Variants in GCGR observed in about 807,000 individuals in gnomAD.
The protein encoded by GCGR is glucagon receptor.
In GCGR, 41 loss-of-function variants were observed where a neutral mutation model predicts 56.1. That is an observed-to-expected ratio of 0.73 (90% CI 0.57 to 0.95). GCGR has a LOEUF of 0.95. Among genes scored for constraint, GCGR ranks in the 40% least tolerant of loss-of-function variants. GCGR has a pLI of 0.00. For synonymous variants in GCGR, 278 were observed against 271.1 expected (o/e 1.03, Z -0.25); for missense variants, 595 against 638.2 (o/e 0.93, Z 0.73).
chr17:81,809,558 CCTGTCCGTCTGCCTGT>C (rs1166410047), intron 2 of GCGR, among the ~76,000 whole-genome samples: 1 of 141,496 alleles, frequency 7.1e-6, no homozygotes, highest in Non-Finnish European at 1.5e-5. Context: ...TGTCTGTCTG[CCTGTCCGTCTGCCTGT>C]CTGTCCGTCT....
Position 81,812,532 on chromosome 17 carries a change from T to TC in GCGR, c.949-42dup. 1 of 1,506,502 alleles carries TC rather than the reference T, an allele frequency of 6.6e-7. No homozygotes were observed. The highest frequency in any genetic ancestry group is 1.2e-5 in the South Asian group (1 of 82,904). The allele number at this position is 1,506,502 out of a possible 1,614,324, so 93.3% of individuals were successfully genotyped here. Reference sequence around the variant, plus strand: ...GGGCCTTCCAAGGGCACAGAGCTGTTCCCTGGGGCTCGGGATGCCCCTGAC... The same window carrying TC: ...GGGCCTTCCAAGGGCACAGAGCTGTTCCCCTGGGGCTCGGGATGCCCCTGAC... On this transcript the variant is annotated intron_variant, in intron 10 of 13. Coordinates refer to ENST00000400723, the MANE Select transcript of GCGR (RefSeq NM_000160.5). The surrounding 1 kb of genome is among the most constrained non-coding windows in gnomAD (Gnocchi z 8.5).
Position 81,812,149 on chromosome 17 carries a change from T to C in GCGR, c.879-34T>C, listed in dbSNP as rs1377326637. On this transcript the variant is annotated intron_variant, in intron 9 of 13. Coordinates refer to ENST00000400723, the MANE Select transcript of GCGR (RefSeq NM_000160.5). The surrounding 1 kb of genome is among the most constrained non-coding windows in gnomAD (Gnocchi z 8.5). ...GCTGAGGGGCGGAGGGGCTGGGGGCTGTGCCCCAGTATGTGAGTGGCCTGG... is the reference window on the plus strand; with the variant it reads ...GCTGAGGGGCGGAGGGGCTGGGGGCCGTGCCCCAGTATGTGAGTGGCCTGG... 2 of 1,533,186 alleles carry C rather than the reference T, an allele frequency of 1.3e-6. No homozygotes were observed. 95.0% of individuals were successfully genotyped at this position (1,533,186 alleles called of 1,614,324 possible). A position where few individuals can be genotyped will look rare whatever the true frequency, so the allele number is the denominator to read the frequency against.
Position 81,806,507 on chromosome 17 carries a change from G to T in GCGR, c.-178+2258G>T, listed in dbSNP as rs2143099332. Among the ~76,000 whole-genome samples, 1 of 152,300 alleles carries T rather than the reference G, an allele frequency of 6.6e-6. No homozygotes were observed. Among genetic ancestry groups the T allele is most frequent in the Admixed American group, 6.5e-5 (1 of 15,306 alleles). On this transcript the variant is annotated intron_variant, in intron 1 of 13. Coordinates refer to ENST00000400723, the MANE Select transcript of GCGR (RefSeq NM_000160.5). This position sits in a 1 kb window ranked among gnomAD's most constrained non-coding sequence, Gnocchi z 6.5. ...GACTGTTTCAAAGAAAGGCCTGGGGGACTGGGCAGCCAACCCCTCCCTCGG... is the reference window on the plus strand; with the variant it reads ...GACTGTTTCAAAGAAAGGCCTGGGGTACTGGGCAGCCAACCCCTCCCTCGG...
At chr17:81,809,125 A>G in intron 2 of GCGR, 47 bp downstream of exon 2, 2 of 1,522,572 alleles carry the variant, frequency 1.3e-6, no homozygotes, top group Non-Finnish European at 1.8e-6. Flanking sequence ...TCCTGTGAGG[A>G]CTGCACACTG....
intron 1 of GCGR, among the ~76,000 whole-genome samples, chr17:81,807,693 G>GC (rs2037991585): frequency 6.6e-6 from 1 of 152,244 alleles, no homozygotes; most frequent in African/African-American, 2.4e-5. Context: ...GCCCGTAACA[G>GC]CCCGGGGGCT....
At chr17:81,807,620 C>CCCT (rs2037989672) in intron 1 of GCGR, among the ~76,000 whole-genome samples, 1 of 152,254 alleles carries the variant, frequency 6.6e-6, no homozygotes, top group Non-Finnish European at 1.5e-5. Context: ...AGCTGGCTGG[C>CCCT]CCTCCATCTG....
rs2143147122 is a variant in GCGR, at chr17:81,813,270, G to A, written c.1219-204G>A. On this transcript the variant is annotated intron_variant, in intron 13 of 13. Coordinates refer to ENST00000400723, the MANE Select transcript of GCGR (RefSeq NM_000160.5). The surrounding 1 kb of genome is among the most constrained non-coding windows in gnomAD (Gnocchi z 5.3). ...TTGGCCTCAGCCCCATCGCTACGGT[G>A]TCCACCGTGGGGGTCCCCAGGTGTC... is the stretch of plus-strand genomic sequence containing the variant. Among the ~76,000 whole-genome samples, 1 of 152,302 alleles carries A rather than the reference G, an allele frequency of 6.6e-6. No individual in the cohort carries two copies. The highest frequency in any genetic ancestry group is 1.9e-4 in the East Asian group (1 of 5,178).
intron 1 of GCGR, among the ~76,000 whole-genome samples, chr17:81,807,060 G>A (rs1301662192): frequency 1.3e-5 from 2 of 152,152 alleles, no homozygotes; most frequent in African/African-American, 4.8e-5. Context: ...CTCAGTGGCC[G>A]GAGCCGCCCA....
At position 81,812,361 on chromosome 17, in the gene GCGR, G is replaced by A. The variant is rs1246470459; in HGVS notation, c.948+109G>A. 1.8e-5 allele frequency: 23 copies of A among 1,305,292 alleles called. No homozygotes were observed. Among genetic ancestry groups the A allele is most frequent in the South Asian group, 3.9e-5 (3 of 77,804 alleles). 80.9% of individuals were successfully genotyped at this position (1,305,292 alleles called of 1,614,324 possible). ...TGTCTGAGAGCGCTGGGAGGGAGCC[G>A]GCACCCAGACAGGACACCAGGACAC... On this transcript the variant is annotated intron_variant, in intron 10 of 13. Coordinates refer to ENST00000400723, the MANE Select transcript of GCGR (RefSeq NM_000160.5). This position sits in a 1 kb window ranked among gnomAD's most constrained non-coding sequence, Gnocchi z 8.5.
In GCGR at chr17:81,806,490, C is replaced by T. The variant is rs2037967987; in HGVS notation, c.-178+2241C>T. On this transcript the variant is annotated intron_variant, in intron 1 of 13. Coordinates refer to ENST00000400723, the MANE Select transcript of GCGR (RefSeq NM_000160.5). This position sits in a 1 kb window ranked among gnomAD's most constrained non-coding sequence, Gnocchi z 6.5. ...CCCCACTCCTGGGTCCTGACTGTTT[C>T]AAAGAAAGGCCTGGGGGACTGGGCA... Among the ~76,000 whole-genome samples the T allele has an allele frequency of 6.6e-6, 1 of 152,142 alleles. No homozygotes were observed. Among genetic ancestry groups the T allele is most frequent in the African/African-American group, 2.4e-5 (1 of 41,426 alleles).
Position 81,810,315 on chromosome 17 carries a change from C to T in GCGR, c.163+431C>T, listed in dbSNP as rs994724096. 9.1e-5 allele frequency: 30 copies of T among 328,252 alleles called. No homozygotes were observed. Among genetic ancestry groups the T allele is most frequent in the South Asian group, 4.5e-4 (16 of 35,418 alleles). 20.3% of individuals were successfully genotyped at this position (328,252 alleles called of 1,614,324 possible). A position where few individuals can be genotyped will look rare whatever the true frequency, so the allele number is the denominator to read the frequency against. On this transcript the variant is annotated intron_variant, in intron 3 of 13. Coordinates refer to ENST00000400723, the MANE Select transcript of GCGR (RefSeq NM_000160.5). This position sits in a 1 kb window ranked among gnomAD's most constrained non-coding sequence, Gnocchi z 4.6. Reference sequence around the variant, plus strand: ...AGAGGATAGGGCTGGAGGACTCACCCGGGAGGCAGTGCCTGGGTTCGGATG... The same window carrying T: ...AGAGGATAGGGCTGGAGGACTCACCTGGGAGGCAGTGCCTGGGTTCGGATG...
At position 81,810,690 on chromosome 17, in the gene GCGR, G is replaced by A; in HGVS notation, c.164-135G>A. ...GGAGGTGGAGGTCAAGTGGGGGAGG[G>A]AGCAGCCCAGGCCATGTCCTGGGCG... On this transcript the variant is annotated intron_variant, in intron 3 of 13. Coordinates refer to ENST00000400723, the MANE Select transcript of GCGR (RefSeq NM_000160.5). This position sits in a 1 kb window ranked among gnomAD's most constrained non-coding sequence, Gnocchi z 4.6. 3 of 787,262 alleles carry A rather than the reference G, an allele frequency of 3.8e-6. No individual in the cohort carries two copies. The highest frequency in any genetic ancestry group is 2.7e-5 in the East Asian group (1 of 37,368). 48.8% of individuals were successfully genotyped at this position (787,262 alleles called of 1,614,324 possible).
intron 3 of GCGR, 67 bp downstream of exon 3, chr17:81,809,951 G>A: frequency 1.6e-6 from 2 of 1,255,136 alleles, no homozygotes; most frequent in Non-Finnish European, 2.2e-6. Context: ...TCTCTTCATG[G>A]GAAGGTTCCT....
At chr17:81,809,304 C>CTGCCTGTCTGTT (rs2038030660) in intron 2 of GCGR, among the ~76,000 whole-genome samples, 1 of 150,954 alleles carries the variant, frequency 6.6e-6, no homozygotes, top group Non-Finnish European at 1.5e-5. Context: ...GCCTGTCTGT[C>CTGCCTGTCTGTT]TGCCTGTCCA....
chr17:81,810,176 C>T lies in GCGR; in HGVS notation c.163+292C>T, dbSNP rs770253303. ...CCAGATGGGTAATACCACCTACAGC[C>T]CCGTGGAGTTTTCAGTGGGCAGACA... On this transcript the variant is annotated intron_variant, in intron 3 of 13. Transcript: ENST00000400723. The surrounding 1 kb of genome is among the most constrained non-coding windows in gnomAD (Gnocchi z 4.6). 2.0e-6 allele frequency: 1 copy of T among 497,728 alleles called. No individual in the cohort carries two copies. The highest frequency in any genetic ancestry group is 3.7e-6 in the Non-Finnish European group (1 of 270,634). The allele number at this position is 497,728 out of a possible 1,614,324, so 30.8% of individuals were successfully genotyped here.
Position 81,811,879 on chromosome 17 carries a change from C to A in GCGR, c.818-7C>A. 1 of 1,537,102 alleles carries A rather than the reference C, an allele frequency of 6.5e-7. No individual in the cohort carries two copies. The highest frequency in any genetic ancestry group is 8.7e-7 in the Non-Finnish European group (1 of 1,146,892). The stretch of plus-strand genomic sequence containing the variant: ...GCCTTTGGGACCACAGCTGCTGCCC[C>A]CCACAGGTGCCCCCATGCTGTTCGT... On this transcript the variant is annotated splice_region_variant and splice_polypyrimidine_tract_variant and intron_variant, in intron 8 of 13. Transcript: ENST00000400723. This position sits in a 1 kb window ranked among gnomAD's most constrained non-coding sequence, Gnocchi z 5.8.
At position 81,810,958 on chromosome 17, in the gene GCGR, G is replaced by C; in HGVS notation, c.271+26G>C. 4 of 1,536,084 alleles carry C rather than the reference G, an allele frequency of 2.6e-6. No individual in the cohort carries two copies. Among genetic ancestry groups the C allele is most frequent in the Non-Finnish European group, 3.5e-6 (4 of 1,146,810 alleles). ...GTACCCATAGAGGGGAGGAACTGTGGGGGGGGCGGGCCCAGGGTGGGGCTG... is the reference window on the plus strand; with the variant it reads ...GTACCCATAGAGGGGAGGAACTGTGCGGGGGGCGGGCCCAGGGTGGGGCTG... On this transcript the variant is annotated intron_variant, in intron 4 of 13. Transcript: ENST00000400723. This position sits in a 1 kb window ranked among gnomAD's most constrained non-coding sequence, Gnocchi z 4.6.
At position 81,812,345 on chromosome 17, in the gene GCGR, G is replaced by T. The variant is rs1327952579; in HGVS notation, c.948+93G>T. 5.0e-6 allele frequency: 7 copies of T among 1,409,888 alleles called. No homozygotes were observed. The highest frequency in any genetic ancestry group is 1.4e-5 in the African/African-American group (1 of 70,332). The allele number at this position is 1,409,888 out of a possible 1,614,324, so 87.3% of individuals were successfully genotyped here. On this transcript the variant is annotated intron_variant, in intron 10 of 13. Coordinates refer to ENST00000400723, the MANE Select transcript of GCGR (RefSeq NM_000160.5). This position sits in a 1 kb window ranked among gnomAD's most constrained non-coding sequence, Gnocchi z 8.5. ...GGAGACAGCAGCATCCTGTCTGAGA[G>T]CGCTGGGAGGGAGCCGGCACCCAGA...
Position 81,813,774 on chromosome 17 carries a change from C to A in GCGR, c.*85C>A. On this transcript the variant is annotated 3_prime_UTR_variant, in exon 14 of 14. Coordinates refer to ENST00000400723, the MANE Select transcript of GCGR (RefSeq NM_000160.5). The surrounding 1 kb of genome is among the most constrained non-coding windows in gnomAD (Gnocchi z 5.3). ...CCCAGAACTGGACGCCCAGCTGAGG[C>A]TGGGGGCGGGGGAGCCAACAGCAGC... is the stretch of plus-strand genomic sequence containing the variant. 1 of 1,367,794 alleles carries A rather than the reference C, an allele frequency of 7.3e-7. No homozygotes were observed. Among genetic ancestry groups the A allele is most frequent in the Non-Finnish European group, 9.8e-7 (1 of 1,017,292 alleles). The allele number at this position is 1,367,794 out of a possible 1,614,324, so 84.7% of individuals were successfully genotyped here. A position where few individuals can be genotyped will look rare whatever the true frequency, so the allele number is the denominator to read the frequency against.
Sources: allele counts gnomAD v4.1 joint callset (sites outside exome capture counted in the v4.1 genomes callset), GRCh38; gene constraint gnomAD v4.1.1; non-coding constraint Gnocchi (gnomAD v3.1); transcripts MANE v1.5; gene names NCBI Gene and HGNC (gene_info 2026-07-23, HGNC 2026-07-21).